Variants in BANK1 observed in about 807,000 individuals in gnomAD.
The protein encoded by BANK1 is B cell scaffold protein with ankyrin repeats 1, also known as B-cell scaffold protein with ankyrin repeats.
In BANK1, 95 loss-of-function variants were observed where a neutral mutation model predicts 94.5. The observed-to-expected ratio is 1.00, with a 90% CI of 0.85 to 1.19. The LOEUF (loss-of-function observed/expected upper bound fraction) is 1.19. Ranked by LOEUF, BANK1 falls within the 50% of genes most tolerant of loss-of-function variation. The pLI is 0.00. For missense variants in BANK1, 987 were observed against 932.2 expected (o/e 1.06, Z -0.77); for synonymous variants, 334 against 308.4 (o/e 1.08, Z -0.87).
chr4:101,860,647 T>C (rs988074552), intron 3 of BANK1, among the ~76,000 whole-genome samples: 3 of 152,074 alleles, frequency 2.0e-5, no homozygotes, highest in Non-Finnish European at 4.4e-5. Flanking sequence ...GCCAAGCTGG[T>C]CTTGAACTCC....
At chr4:101,895,892 AGAGT>A (rs1345298030) in intron 6 of BANK1, among the ~76,000 whole-genome samples, 3 of 151,840 alleles carry the variant, frequency 2.0e-5, no homozygotes, top group African/African-American at 7.2e-5. Context: ...TAGCAGAGAG[AGAGT>A]GTGATCATCT....
At chr4:101,850,722 G>A (rs1382518251) in intron 2 of BANK1, among the ~76,000 whole-genome samples, 3 of 152,104 alleles carry the variant, frequency 2.0e-5, no homozygotes, top group Non-Finnish European at 4.4e-5. Context: ...TCACATTTTG[G>A]TGATTCTTGC....
intron 11 of BANK1, among the ~76,000 whole-genome samples, chr4:102,052,481 G>A (rs1191914827): frequency 6.6e-6 from 1 of 151,394 alleles, no homozygotes; most frequent in Non-Finnish European, 1.5e-5. Flanking sequence ...CAGAAGAAGG[G>A]AAGGAGAGTT....
chr4:101,978,835 C>G (rs967825655), intron 7 of BANK1, among the ~76,000 whole-genome samples: 3 of 152,018 alleles, frequency 2.0e-5, no homozygotes, highest in Non-Finnish European at 4.4e-5. Context: ...AAATTTATGT[C>G]ACACTTAACT....
intron 7 of BANK1, among the ~76,000 whole-genome samples, chr4:101,954,432 A>T (rs1724270819): frequency 6.6e-6 from 1 of 152,280 alleles, no homozygotes; most frequent in African/African-American, 2.4e-5. Context: ...TGCTCTTCAC[A>T]TTTAGCAAGA....
At chr4:102,030,804 G>A (rs1374269600) in intron 10 of BANK1, among the ~76,000 whole-genome samples, 6 of 152,122 alleles carry the variant, frequency 3.9e-5, no homozygotes, top group Non-Finnish European at 8.8e-5. Context: ...ATTCCATGGT[G>A]TATATATGCC....
chr4:101,802,402 C>G (rs1195579206), intron 1 of BANK1, among the ~76,000 whole-genome samples: 1 of 152,112 alleles, frequency 6.6e-6, no homozygotes, highest in Non-Finnish European at 1.5e-5. Flanking sequence ...CTGTGAAGGT[C>G]AACAGAATAG....
chr4:101,863,730 G>C (rs762631928), intron 4 of BANK1, among the ~76,000 whole-genome samples: 2 of 152,064 alleles, frequency 1.3e-5, no homozygotes, highest in Non-Finnish European at 2.9e-5. Flanking sequence ...GAAAAACTCT[G>C]TCTCTTTCCT....
At chr4:102,044,635 T>G (rs1727817899) in intron 11 of BANK1, among the ~76,000 whole-genome samples, 2 of 111,696 alleles carry the variant, frequency 1.8e-5, no homozygotes, top group Non-Finnish European at 3.6e-5. Context: ...TGAACTAGTT[T>G]ACAGTCCCAC....
intron 11 of BANK1, among the ~76,000 whole-genome samples, chr4:102,054,240 G>A (rs1327767543): frequency 6.6e-6 from 1 of 152,040 alleles, no homozygotes. Flanking sequence ...ACTCAATTCT[G>A]TTATACTCTG....
intron 7 of BANK1, among the ~76,000 whole-genome samples, chr4:102,007,087 T>TAAA (rs1726298517): frequency 9.8e-6 from 1 of 101,926 alleles, no homozygotes; most frequent in African/African-American, 4.2e-5. Context: ...TATAAATATA[T>TAAA]ATATAATATA....
chr4:101,869,027 A>G (rs1032384513), intron 4 of BANK1, among the ~76,000 whole-genome samples: 1 of 151,874 alleles, frequency 6.6e-6, no homozygotes, highest in Admixed American at 6.6e-5. Flanking sequence ...TAAGAAATAA[A>G]TCAGTTCAGT....
intron 3 of BANK1, among the ~76,000 whole-genome samples, chr4:101,860,524 G>A (rs138786169): frequency 2.0e-5 from 3 of 151,902 alleles, no homozygotes; most frequent in East Asian, 3.9e-4. Context: ...TCTGCCTCCC[G>A]GGCTCAAGCA....
intron 1 of BANK1, among the ~76,000 whole-genome samples, chr4:101,799,442 C>T (rs1374908101): frequency 1.3e-5 from 2 of 152,174 alleles, no homozygotes; most frequent in Admixed American, 6.5e-5. Context: ...CTTGGCAATG[C>T]AGGCTCTGGG....
At chr4:101,958,871 A>G (rs996270250) in intron 7 of BANK1, among the ~76,000 whole-genome samples, 1 of 151,854 alleles carries the variant, frequency 6.6e-6, no homozygotes, top group Non-Finnish European at 1.5e-5. Flanking sequence ...ATTTTGGGAA[A>G]CTCTTACACC....
chr4:102,016,760 T>C (rs115047583), intron 7 of BANK1, among the ~76,000 whole-genome samples: 3,812 of 152,330 alleles, frequency 0.025, 63 homozygotes, highest in Non-Finnish European at 0.038. Context: ...TTCCCTTTGC[T>C]TCCATAACTG....
At chr4:101,791,304 A>C (rs2148846411) in intron 1 of BANK1, among the ~76,000 whole-genome samples, 1 of 152,330 alleles carries the variant, frequency 6.6e-6, no homozygotes, top group East Asian at 1.9e-4. Flanking sequence ...GCGCGTTTAA[A>C]ATTATACGTA....
chr4:102,051,468 A>C (rs556000211), intron 11 of BANK1, among the ~76,000 whole-genome samples: 1 of 152,312 alleles, frequency 6.6e-6, no homozygotes, highest in South Asian at 2.1e-4. Flanking sequence ...CAAAGCACAC[A>C]CAAAAAAGAT....
At chr4:101,804,680 G>A (rs528279703) in intron 1 of BANK1, among the ~76,000 whole-genome samples, 1 of 152,124 alleles carries the variant, frequency 6.6e-6, no homozygotes, top group Admixed American at 6.5e-5. Flanking sequence ...GTACAGTATT[G>A]TAAATGTGTT....
Sources: gnomAD v4.1 joint callset for allele counts (sites outside exome capture counted in the v4.1 genomes callset) on GRCh38, gnomAD v4.1.1 for gene constraint, MANE v1.5 for transcripts, NCBI Gene and HGNC (gene_info 2026-07-23, HGNC 2026-07-21) for gene names.